The following DIP2C variants were observed in gnomAD, a reference collection of about 807,000 sequenced individuals.
DIP2C encodes DIP2 acetate--CoA ligase C (putative).
A neutral mutation model predicts 192.4 loss-of-function variants in DIP2C; 33 were observed. The observed-to-expected ratio is 0.17, with a 90% confidence interval of 0.13 to 0.23. The LOEUF (loss-of-function observed/expected upper bound fraction) is 0.23. Ranked by LOEUF, DIP2C falls within the 10% of genes least tolerant of loss-of-function variation. DIP2C has a pLI of 1.00. For synonymous variants in DIP2C, 979 were observed against 864.1 expected (o/e 1.13, Z -2.33); for missense variants, 1,537 against 2,110.1 (o/e 0.73, Z 5.32).
intron 22 of DIP2C, among the ~76,000 whole-genome samples, chr10:358,416 G>A (rs1039814589): frequency 6.7e-6 from 1 of 149,412 alleles, no homozygotes; most frequent in Non-Finnish European, 1.5e-5. Context: ...TGGAGTCAGA[G>A]AGTGATACTG....
chr10:414,742 C>CGTGTGTGTGT (rs1564679999), intron 7 of DIP2C, among the ~76,000 whole-genome samples: 36 of 112,544 alleles, frequency 3.2e-4, no homozygotes, highest in African/African-American at 8.0e-4. Flanking sequence ...TGTGTGTGTA[C>CGTGTGTGTGT]ATATATATAT....
At chr10:286,472 A>T in intron 33 of DIP2C, 125 bp from the exon 34 acceptor site, 2 of 832,228 alleles carry the variant, frequency 2.4e-6, no homozygotes, top group Non-Finnish European at 4.0e-6. Flanking sequence ...AATTAAATCA[A>T]AACTATATGC....
In DIP2C at chr10:514,384, G is replaced by A. The variant is rs1023130444; in HGVS notation, c.86-27854C>T. On this transcript the variant is annotated intron_variant, in intron 1 of 36. Coordinates refer to ENST00000280886, the MANE Select transcript of DIP2C (RefSeq NM_014974.3). The stretch of plus-strand genomic sequence containing the variant: ...GACGGCACTCAGTCACAACAGCAAC[G>A]GCCACCATTCACAGGGTGCTGGCTT... 3.9e-5 allele frequency among the ~76,000 whole-genome samples: 6 copies of A among 152,296 alleles called. No homozygotes were observed. The East Asian group carries it at 5.8e-4, about 15-fold the overall frequency.
At chr10:302,601 G>A (rs141475645) in intron 32 of DIP2C, among the ~76,000 whole-genome samples, 149 of 152,220 alleles carry the variant, frequency 9.8e-4, no homozygotes, top group African/African-American at 3.3e-3. Context: ...GTGTCATCAC[G>A]CAAACACCAC....
chr10:562,922 G>A (rs748142752), intron 1 of DIP2C, among the ~76,000 whole-genome samples: 5 of 152,246 alleles, frequency 3.3e-5, no homozygotes, highest in Non-Finnish European at 7.3e-5. Flanking sequence ...TAAAAGGAAT[G>A]AATATAGCTA....
intron 1 of DIP2C, among the ~76,000 whole-genome samples, chr10:522,157 C>T (rs1257855581): frequency 1.3e-5 from 2 of 152,140 alleles, no homozygotes; most frequent in Non-Finnish European, 2.9e-5. Flanking sequence ...CTTTTCCAGG[C>T]TGTCCTGTCG....
chr10:327,973 G>A (rs1006549631), intron 30 of DIP2C, among the ~76,000 whole-genome samples: 24 of 152,274 alleles, frequency 1.6e-4, no homozygotes, highest in African/African-American at 4.3e-4. Flanking sequence ...GTAAGGGAGC[G>A]ACAGGAATGG....
intron 1 of DIP2C, among the ~76,000 whole-genome samples, chr10:512,296 C>T (rs1340744774): frequency 6.6e-6 from 1 of 152,204 alleles, no homozygotes; most frequent in African/African-American, 2.4e-5. Flanking sequence ...GTGGTGCTCA[C>T]ACCTGTAATC....
intron 1 of DIP2C, among the ~76,000 whole-genome samples, chr10:546,495 A>C (rs1412400114): frequency 6.6e-6 from 1 of 152,144 alleles, no homozygotes; most frequent in Non-Finnish European, 1.5e-5. Context: ...ACTCTGGTTG[A>C]AGTTTATGAA....
chr10:293,360 G>A (rs1955586573), intron 32 of DIP2C, among the ~76,000 whole-genome samples: 1 of 152,380 alleles, frequency 6.6e-6, no homozygotes, highest in African/African-American at 2.4e-5. Context: ...CTGAGCTGCA[G>A]CACAGCCACG....
intron 1 of DIP2C, among the ~76,000 whole-genome samples, chr10:619,250 A>G (rs1853677352): frequency 1.3e-5 from 2 of 152,156 alleles, no homozygotes; most frequent in South Asian, 2.1e-4. Context: ...TCTCTATTAA[A>G]TCACCCCAAA....
intron 3 of DIP2C, among the ~76,000 whole-genome samples, chr10:459,156 A>C (rs1448452914): frequency 6.6e-6 from 1 of 152,188 alleles, no homozygotes; most frequent in Non-Finnish European, 1.5e-5. Context: ...TTTAAAAAAC[A>C]AGATGTCACA....
chr10:544,619 T>C (rs1339529435), intron 1 of DIP2C, among the ~76,000 whole-genome samples: 1 of 152,258 alleles, frequency 6.6e-6, no homozygotes, highest in Non-Finnish European at 1.5e-5. Context: ...ACTGGGGTTT[T>C]ACCCATCCCA....
chr10:615,258 A>G (rs1191084370), intron 1 of DIP2C, among the ~76,000 whole-genome samples: 1 of 152,154 alleles, frequency 6.6e-6, no homozygotes, highest in African/African-American at 2.4e-5. Context: ...CTGTAGGAAA[A>G]TCATTTGTAC....
chr10:624,934 C>T (rs1395130188), intron 1 of DIP2C, among the ~76,000 whole-genome samples: 4 of 152,170 alleles, frequency 2.6e-5, no homozygotes, highest in African/African-American at 9.7e-5. Flanking sequence ...GAGGGAGGCG[C>T]TCGGTGCCCT....
At chr10:327,326 T>C (rs901167612) in intron 30 of DIP2C, 150 bp from the exon 31 acceptor site, 2 of 818,858 alleles carry the variant, frequency 2.4e-6, no homozygotes, top group Admixed American at 6.4e-5. Flanking sequence ...TTCTTCAATA[T>C]AACAAACCAG....
At chr10:605,435 A>T (rs1322868252) in intron 1 of DIP2C, among the ~76,000 whole-genome samples, 1 of 152,232 alleles carries the variant, frequency 6.6e-6, no homozygotes, top group East Asian at 1.9e-4. Flanking sequence ...TCCTTACAGA[A>T]AAACTACCAT....
At chr10:668,098 CGCACAACACAACAT>C (rs1359765354) in intron 1 of DIP2C, 54 of 150,174 alleles carry the variant, frequency 3.6e-4, no homozygotes, top group African/African-American at 1.3e-3. Flanking sequence ...ATGCAACTCA[CGCACAACACAACAT>C]GCACAACACA....
intron 1 of DIP2C, among the ~76,000 whole-genome samples, chr10:597,479 T>C (rs930809289): frequency 3.9e-5 from 6 of 152,152 alleles, no homozygotes; most frequent in African/African-American, 1.2e-4. Context: ...GAAAGGTGAA[T>C]GGAGACCTGG....
Sources: allele counts gnomAD v4.1 joint callset (sites outside exome capture counted in the v4.1 genomes callset), GRCh38; gene constraint gnomAD v4.1.1; transcripts MANE v1.5; gene names NCBI Gene and HGNC (gene_info 2026-07-23, HGNC 2026-07-21).